The following ARVCF variants were observed in gnomAD, a reference collection of about 807,000 sequenced individuals.
ARVCF encodes ARVCF delta catenin family member, also known as splicing regulator ARVCF.
Under a neutral mutation model 90.9 loss-of-function variants are expected in ARVCF, and 66 were observed. The observed-to-expected ratio is 0.73, with a 90% CI of 0.60 to 0.89. ARVCF has a LOEUF of 0.89. Among genes scored for constraint, ARVCF ranks in the 40% least tolerant of loss-of-function variants. The pLI is 0.00. For missense variants in ARVCF, 1,469 were observed against 1,382.3 expected (o/e 1.06, Z -1.00); for synonymous variants, 653 against 603.4 (o/e 1.08, Z -1.21).
At chr22:19,987,140 G>A (rs894714232) in intron 3 of ARVCF, 2 of 479,698 alleles carry the variant, frequency 4.2e-6, no homozygotes, top group Non-Finnish European at 7.5e-6. Flanking sequence ...GGAGGCGGTG[G>A]CTGGACCAGG....
chr22:20,002,926 G>T (rs1944496125), intron 2 of ARVCF, among the ~76,000 whole-genome samples: 1 of 152,156 alleles, frequency 6.6e-6, no homozygotes, highest in South Asian at 2.1e-4. Context: ...TCATGGGTTT[G>T]TGGACTGATG....
At chr22:19,968,744 C>CT (rs752735911), downstream of ARVCF, 11 of 1,608,700 alleles carry the variant, frequency 6.8e-6, no homozygotes, top group East Asian at 2.2e-5. Context: ...TGACTGCCCC[C>CT]CCGGCCCCCC....
chr22:19,984,990 G>A (rs1013122570), intron 3 of ARVCF, among the ~76,000 whole-genome samples: 10 of 152,158 alleles, frequency 6.6e-5, no homozygotes, highest in Non-Finnish European at 1.2e-4. Context: ...ACAGGAGTTG[G>A]CTGCAGTCCC....
At chr22:19,973,091 C>A in intron 14 of ARVCF, 28 bp downstream of exon 14, 1 of 1,604,442 alleles carries the variant, frequency 6.2e-7, no homozygotes, top group African/African-American at 1.3e-5. Context: ...CCGCGGCTCC[C>A]CAAGCCACCG....
downstream of ARVCF, chr22:19,968,407 G>C: frequency 3.3e-6 from 3 of 907,908 alleles, no homozygotes; most frequent in Non-Finnish European, 3.5e-6. Flanking sequence ...GCAGAAAGTG[G>C]AAACCTGGCC....
At chr22:20,014,515 G>C (rs1944953009) in intron 1 of ARVCF, among the ~76,000 whole-genome samples, 1 of 152,200 alleles carries the variant, frequency 6.6e-6, no homozygotes, top group Non-Finnish European at 1.5e-5. Context: ...CTTAATTGAA[G>C]CTGCTGACAA....
chr22:19,977,068 A>C (rs1010861187), intron 9 of ARVCF, among the ~76,000 whole-genome samples: 1 of 152,162 alleles, frequency 6.6e-6, no homozygotes, highest in African/African-American at 2.4e-5. Flanking sequence ...GGCAGTCTAC[A>C]GCTATTCTGT....
At chr22:20,014,736 A>G (rs778557403) in intron 1 of ARVCF, among the ~76,000 whole-genome samples, 1 of 152,138 alleles carries the variant, frequency 6.6e-6, no homozygotes, top group Non-Finnish European at 1.5e-5. Context: ...GGCTGGACAG[A>G]GGGTGGTGCC....
At position 19,972,851 on chromosome 22, in the gene ARVCF, G is replaced by A. The variant is rs148280254; in HGVS notation, c.2551-24C>T. On this transcript the variant is annotated intron_variant, in intron 15 of 19. Coordinates refer to ENST00000263207, the MANE Select transcript of ARVCF (RefSeq NM_001670.3). The stretch of plus-strand genomic sequence containing the variant: ...GACTGAGACATAAAACACAGACACA[G>A]GGTGGGTGAAGCACATGGAGTGGGA... 6.2e-6 allele frequency: 10 copies of A among 1,613,542 alleles called. No individual in the cohort carries two copies. The Admixed American group carries it at 1.0e-4, about 16-fold the overall frequency.
chr22:20,009,944 C>A (rs958793119), intron 2 of ARVCF, among the ~76,000 whole-genome samples: 1 of 152,228 alleles, frequency 6.6e-6, no homozygotes, highest in African/African-American at 2.4e-5. Flanking sequence ...GTGACAGAGA[C>A]CATAAGGCCT....
chr22:19,969,710 CA>C, downstream of ARVCF: 3 of 475,666 alleles, frequency 6.3e-6, no homozygotes, highest in Non-Finnish European at 8.2e-6. Flanking sequence ...TATGGATAGA[CA>C]GACCAGTGAG....
At chr22:19,993,292 G>A (rs978894444) in intron 2 of ARVCF, among the ~76,000 whole-genome samples, 2 of 152,224 alleles carry the variant, frequency 1.3e-5, no homozygotes, top group Non-Finnish European at 2.9e-5. Context: ...ACAGGAGCCA[G>A]TCTGGATACA....
chr22:19,974,127 A>C lies in ARVCF; in HGVS notation c.2073T>G (p.Ser691Arg). The C allele has an allele frequency of 6.2e-7, 1 of 1,611,402 alleles. No homozygotes were observed. Reference protein sequence around the residue: ...EAAAGALQNLSAGNWMWATYI... With the variant: ...EAAAGALQNLRAGNWMWATYI... Reference sequence around the variant, plus strand: ...GGTCCCTCACCATCCAGTTGCCGGCACTGAGGTTCTGCAGAGCGCCGGCGG... The same window carrying C: ...GGTCCCTCACCATCCAGTTGCCGGCCCTGAGGTTCTGCAGAGCGCCGGCGG... Residue 691 changes from serine (S) to arginine (R), a missense_variant, in exon 12 of 20, where the codon AGT becomes AGG. Physicochemically the swap from Ser to Arg is moderately radical, Grantham distance 110. Transcript: ENST00000263207.
At chr22:19,972,569 C>T (rs1942876789) in intron 16 of ARVCF, among the ~76,000 whole-genome samples, 158 bp from the exon 17 acceptor site, 2 of 152,122 alleles carry the variant, frequency 1.3e-5, no homozygotes, top group Non-Finnish European at 2.9e-5. Flanking sequence ...TTGACAACAG[C>T]GCGGATGCTG....
chr22:19,971,773 C>A, intron 18 of ARVCF, 113 bp downstream of exon 18: 1 of 1,185,288 alleles, frequency 8.4e-7, no homozygotes, highest in South Asian at 1.3e-5. Context: ...GGCCCCACAA[C>A]CCAGCTGTAC....
Position 19,972,842 on chromosome 22 carries a change from A to G in ARVCF, c.2551-15T>C, listed in dbSNP as rs1254133322. 6.2e-7 allele frequency: 1 copy of G among 1,613,598 alleles called. No individual in the cohort carries two copies. Among genetic ancestry groups the G allele is most frequent in the South Asian group, 1.1e-5 (1 of 91,072 alleles). ...GCAGCAGCTGACTGAGACATAAAAC[A>G]CAGACACAGGGTGGGTGAAGCACAT... On this transcript the variant is annotated splice_polypyrimidine_tract_variant and intron_variant, in intron 15 of 19. Coordinates refer to ENST00000263207, the MANE Select transcript of ARVCF (RefSeq NM_001670.3).
At position 19,973,013 on chromosome 22, in the gene ARVCF, G is replaced by A. The variant is rs114991369; in HGVS notation, c.2462C>T (p.Ala821Val). ...CACTGTCTGCAGCACGTGTGACGCC[G>A]CCTTCGCTTCGCGTACCGATTGGCT... Reference protein sequence around the residue: ...ASSQSVREAKAASHVLQTVWS... With the variant: ...ASSQSVREAKVASHVLQTVWS... Residue 821 changes from alanine (A) to valine (V), a missense_variant, in exon 15 of 20, where the codon GCG becomes GTG. Ala to Val is a moderately conservative substitution (Grantham distance 64). Coordinates refer to ENST00000263207, the MANE Select transcript of ARVCF (RefSeq NM_001670.3). 446 of 1,613,332 alleles carry A rather than the reference G, an allele frequency of 2.8e-4. 4 individuals carry two copies. In the East Asian group the frequency reaches 8.2e-3, roughly 30 times the overall value.
chr22:20,010,201 G>A (rs1944775655), intron 2 of ARVCF, among the ~76,000 whole-genome samples: 1 of 152,224 alleles, frequency 6.6e-6, no homozygotes, highest in African/African-American at 2.4e-5. Context: ...AAACAGGCTT[G>A]TCCCTAAAGC....
At chr22:20,006,977 G>C (rs1302789581) in intron 2 of ARVCF, among the ~76,000 whole-genome samples, 1 of 152,044 alleles carries the variant, frequency 6.6e-6, no homozygotes, top group African/African-American at 2.4e-5. Context: ...TTTAAGGCTG[G>C]GTGCAGTGGC....
Sources: gnomAD v4.1 joint callset for allele counts (sites outside exome capture counted in the v4.1 genomes callset) on GRCh38, gnomAD v4.1.1 for gene constraint, MANE v1.5 for transcripts, NCBI Gene and HGNC (gene_info 2026-07-23, HGNC 2026-07-21) for gene names.